SPATA6: variants seen among roughly 807,000 people sequenced by gnomAD.
SPATA6 encodes the protein spermatogenesis associated 6, also known as spermatogenesis-associated protein 6.
In SPATA6, 56 loss-of-function variants were observed where a neutral mutation model predicts 65.3. That is an observed-to-expected ratio of 0.86 (90% CI 0.69 to 1.07). The LOEUF is 1.07. Among genes scored for constraint, SPATA6 ranks in the 50% least tolerant of loss-of-function variants. The probability of loss-of-function intolerance (pLI) is 0.00; values close to 1 mark genes in which losing one functional copy is unlikely to be tolerated. For missense variants in SPATA6, 590 were observed against 594.8 expected (o/e 0.99, Z 0.08); for synonymous variants, 199 against 213.2 (o/e 0.93, Z 0.58).
rs140367945 is a variant in SPATA6, at chr1:48,355,736, G to A, written c.1128C>T (p.Cys376=). 293 of 1,612,884 alleles carry A rather than the reference G, an allele frequency of 1.8e-4. No homozygotes were observed. The African/African-American group carries it at 2.2e-3, about 12-fold the overall frequency. The part of the protein sequence containing the change: ...FHSDWCSPSN[C]DEIHDRVKNV... ...TTTTTACCCGGTCATGGATCTCATC[G>A]CAGTTTGAAGGTGAACACCAATCAG... is the stretch of plus-strand genomic sequence containing the variant. The change falls in exon 11 of 13, where the codon TGC becomes TGT. Residue 376 remains cysteine (C), a synonymous_variant. Transcript: ENST00000371847.
chr1:48,439,681 G>T (rs1409873146), intron 3 of SPATA6, among the ~76,000 whole-genome samples: 1 of 152,020 alleles, frequency 6.6e-6, no homozygotes, highest in Non-Finnish European at 1.5e-5. Context: ...TTTTCTTTCA[G>T]ATAGTAAACA....
At chr1:48,406,251 C>A (rs778754286) in intron 5 of SPATA6, among the ~76,000 whole-genome samples, 9 of 151,990 alleles carry the variant, frequency 5.9e-5, no homozygotes, top group Non-Finnish European at 1.0e-4. Context: ...ACAAAAGAAT[C>A]CCTTGTTCAT....
intron 9 of SPATA6, 143 bp from the exon 10 acceptor site, chr1:48,359,913 A>C: frequency 1.7e-6 from 1 of 601,230 alleles, no homozygotes; most frequent in Non-Finnish European, 2.6e-6. Context: ...AACATATGCC[A>C]CAGCTATAAA....
chr1:48,390,739 C>T (rs891068922), intron 8 of SPATA6, among the ~76,000 whole-genome samples: 26 of 152,162 alleles, frequency 1.7e-4, no homozygotes, highest in African/African-American at 6.0e-4. Context: ...TAAAATTCTA[C>T]TTTCTCACTC....
At chr1:48,299,763 GTTGGTAGATATAGAAATGAAGACT>G (rs1298918794) in intron 12 of SPATA6, among the ~76,000 whole-genome samples, 8 of 152,098 alleles carry the variant, frequency 5.3e-5, no homozygotes, top group African/African-American at 1.7e-4. Context: ...ACACATAGAA[GTTGGTAGATATAGAAATGAAGACT>G]CAGTGAAGTT....
At chr1:48,418,955 A>G (rs1653066720) in intron 3 of SPATA6, among the ~76,000 whole-genome samples, 1 of 152,046 alleles carries the variant, frequency 6.6e-6, no homozygotes, top group African/African-American at 2.4e-5. Flanking sequence ...GAGTTAAACA[A>G]TCTTAGGATA....
chr1:48,439,277 T>C (rs2265480), intron 3 of SPATA6, among the ~76,000 whole-genome samples: 151,074 of 152,302 alleles, frequency 0.99, 74,940 homozygotes, highest in East Asian at 1. Flanking sequence ...CCACTAAATC[T>C]GACCTTCCTC....
At chr1:48,436,126 A>T (rs1307824608) in intron 3 of SPATA6, 2 of 1,610,188 alleles carry the variant, frequency 1.2e-6, no homozygotes, top group African/African-American at 2.7e-5. Flanking sequence ...ATGTTCCACC[A>T]ACGTTTCTCA....
intron 8 of SPATA6, among the ~76,000 whole-genome samples, chr1:48,388,948 T>A (rs1213826068): frequency 6.6e-6 from 1 of 152,106 alleles, no homozygotes; most frequent in Admixed American, 6.6e-5. Context: ...TACAATGGTG[T>A]GATCTTTGCT....
At chr1:48,450,593 T>C (rs1656474544) in intron 3 of SPATA6, among the ~76,000 whole-genome samples, 1 of 152,198 alleles carries the variant, frequency 6.6e-6, no homozygotes, top group Admixed American at 6.5e-5. Context: ...CACTGCCACC[T>C]AGCTAGTCTG....
intron 11 of SPATA6, among the ~76,000 whole-genome samples, chr1:48,334,166 A>G (rs758860933): frequency 6.6e-6 from 1 of 152,084 alleles, no homozygotes; most frequent in Non-Finnish European, 1.5e-5. Context: ...AAAGCCAAGA[A>G]TCAGGTAGAT....
intron 11 of SPATA6, among the ~76,000 whole-genome samples, chr1:48,330,470 G>C (rs952558774): frequency 6.6e-6 from 1 of 152,184 alleles, no homozygotes; most frequent in Non-Finnish European, 1.5e-5. Flanking sequence ...TATCCAGGTA[G>C]GCAACAACTG....
intron 11 of SPATA6, among the ~76,000 whole-genome samples, chr1:48,307,703 C>T (rs1380860217): frequency 2.6e-5 from 4 of 151,600 alleles, no homozygotes. Context: ...ACTGAGGTCT[C>T]TATTATATTG....
At chr1:48,396,644 C>T (rs1019552727) in intron 7 of SPATA6, among the ~76,000 whole-genome samples, 1 of 151,500 alleles carries the variant, frequency 6.6e-6, no homozygotes, top group African/African-American at 2.4e-5. Flanking sequence ...GAATATTATA[C>T]TAAGTTAAAC....
chr1:48,382,393 T>C (rs1648760965), intron 9 of SPATA6, among the ~76,000 whole-genome samples: 1 of 131,742 alleles, frequency 7.6e-6, no homozygotes, highest in Non-Finnish European at 1.6e-5. Flanking sequence ...GGCTCCTCAC[T>C]TCCCAGTAGG....
intron 7 of SPATA6, among the ~76,000 whole-genome samples, chr1:48,396,040 T>C (rs1428019269): frequency 6.6e-6 from 1 of 151,678 alleles, no homozygotes; most frequent in Non-Finnish European, 1.5e-5. Flanking sequence ...GATTTAAAAA[T>C]GAACTTGAAT....
chr1:48,332,452 G>A (rs1325355102), intron 11 of SPATA6, among the ~76,000 whole-genome samples: 1 of 152,084 alleles, frequency 6.6e-6, no homozygotes, highest in African/African-American at 2.4e-5. Context: ...TCAGATAAAA[G>A]AGAATTTAAA....
At chr1:48,313,281 G>A (rs1645283162) in intron 11 of SPATA6, among the ~76,000 whole-genome samples, 2 of 152,198 alleles carry the variant, frequency 1.3e-5, no homozygotes, top group East Asian at 1.9e-4. Flanking sequence ...AAAATGTTAA[G>A]GGCAGCCAGA....
chr1:48,463,355 G>A (rs1228508882), intron 1 of SPATA6, among the ~76,000 whole-genome samples: 1 of 152,060 alleles, frequency 6.6e-6, no homozygotes, highest in Non-Finnish European at 1.5e-5. Context: ...TATAGGTAGG[G>A]GGGAGAGTAT....
Sources: allele counts gnomAD v4.1 joint callset (sites outside exome capture counted in the v4.1 genomes callset), GRCh38; gene constraint gnomAD v4.1.1; transcripts MANE v1.5; gene names NCBI Gene and HGNC (gene_info 2026-07-23, HGNC 2026-07-21).